ZFP62: variants seen among roughly 807,000 people sequenced by gnomAD.
ZFP62 encodes the protein zinc finger protein 62 homolog.
A neutral mutation model predicts 56.4 loss-of-function variants in ZFP62; 44 were observed. The ratio of observed to expected loss-of-function variants is 0.78; its 90% CI spans 0.61 to 1.00. The LOEUF is 1.00. Among genes scored for constraint, ZFP62 ranks in the 50% least tolerant of loss-of-function variants. ZFP62 has a pLI of 0.00. For synonymous variants in ZFP62, 421 were observed against 388.9 expected, an observed-to-expected ratio of 1.08 and a Z score of -0.97; for missense variants, 1,030 against 1,085.7, an observed-to-expected ratio of 0.95 and a Z score of 0.72.
chr5:180,843,795 C>T (rs527559637), downstream of ZFP62, among the ~76,000 whole-genome samples: 84 of 152,312 alleles, frequency 5.5e-4, no homozygotes, highest in African/African-American at 1.5e-3. Context: ...TGACTGCATG[C>T]GGCATCTGCA....
At chr5:180,843,117 A>T (rs1773348910), downstream of ZFP62, among the ~76,000 whole-genome samples, 1 of 150,316 alleles carries the variant, frequency 6.7e-6, no homozygotes, top group Non-Finnish European at 1.5e-5. Context: ...ATAATAACAT[A>T]TTTTAATATA....
At chr5:180,858,090 T>TAA (rs35177299) in intron 1 of ZFP62, among the ~76,000 whole-genome samples, 87,054 of 127,410 alleles carry the variant, frequency 0.68, 31,193 homozygotes, top group East Asian at 0.95. Context: ...CCATCTCTAC[T>TAA]AAAAAAAAAA....
rs774916843 is a variant in ZFP62, at chr5:180,848,396, C to A, written c.*396G>T. 5 of 995,672 alleles carry A rather than the reference C, an allele frequency of 5.0e-6. No homozygotes were observed. The highest frequency in any genetic ancestry group is 4.8e-6 in the Non-Finnish European group (4 of 836,568). The allele number at this position is 995,672 out of a possible 1,614,324, so 61.7% of individuals were successfully genotyped here. On this transcript the variant is annotated 3_prime_UTR_variant, in exon 2 of 2. Coordinates refer to ENST00000502412, the MANE Select transcript of ZFP62 (RefSeq NM_001172638.2). ...ACCAATGTGTAATTGGGATTCAAAGCTATACCTGAATTTCCTACATTTCTA... is the reference window on the plus strand; with the variant it reads ...ACCAATGTGTAATTGGGATTCAAAGATATACCTGAATTTCCTACATTTCTA...
chr5:180,840,003 C>T, the ZFP62 span, among the ~76,000 whole-genome samples: 7 of 151,848 alleles, frequency 4.6e-5, no homozygotes, highest in African/African-American at 1.5e-4. Context: ...TCCACCAGCC[C>T]CCAGCCCACC....
rs1411014540 is a variant in ZFP62, at chr5:180,850,364, G to C, written c.1131C>G (p.Ser377Arg). 2.6e-6 allele frequency: 4 copies of C among 1,567,478 alleles called. No homozygotes were observed. The Admixed American group carries it at 5.7e-5, about 22-fold the overall frequency. ...CDECGKAFRN[S>R]SGLIVHKRIH... ...TCCTTTTATGCACTATGAGGCCTGA[G>C]CTGTTCCTGAAAGCCTTCCCACATT... Residue 377 changes from serine to arginine, a missense_variant, in exon 2 of 2, where the codon AGC becomes AGG. Transcript: ENST00000502412.
At chr5:180,858,949 C>G (rs372354990) in intron 1 of ZFP62, among the ~76,000 whole-genome samples, 1 of 152,214 alleles carries the variant, frequency 6.6e-6, no homozygotes, top group South Asian at 2.1e-4. Flanking sequence ...AAACTACATA[C>G]GACCAACAAC....
Position 180,851,093 on chromosome 5 carries a change from G to A in ZFP62, c.402C>T (p.Thr134=). Reference sequence around the variant, plus strand: ...ATTTATGTAATTTCTTAACAGCATTGGTTTTCTGCTGTAGACTAGGGTAGG... The same window carrying A: ...ATTTATGTAATTTCTTAACAGCATTAGTTTTCTGCTGTAGACTAGGGTAGG... ...GTSYPSLQQK[T]NAVKKLHKCD... is the part of the protein sequence containing the mutation. Residue 134 remains threonine (T), a synonymous_variant, in exon 2 of 2, where the codon ACC becomes ACT. Transcript: ENST00000502412. 2 of 1,551,684 alleles carry A rather than the reference G, an allele frequency of 1.3e-6. No individual in the cohort carries two copies. The highest frequency in any genetic ancestry group is 1.7e-6 in the Non-Finnish European group (2 of 1,146,986).
chr5:180,852,138 G>T, intron 1 of ZFP62: 2 of 469,622 alleles, frequency 4.3e-6, no homozygotes, highest in Non-Finnish European at 5.6e-6. Context: ...AAATGGAATA[G>T]AACAGGAAGT....
intron 1 of ZFP62, among the ~76,000 whole-genome samples, chr5:180,855,107 T>C (rs754323398): frequency 5.3e-5 from 8 of 152,332 alleles, no homozygotes; most frequent in Non-Finnish European, 1.2e-4. Flanking sequence ...CCATGATGTA[T>C]ATAATTACCT....
At chr5:180,831,390 C>T in the ZFP62 span, 17 of 151,964 alleles carry the variant, frequency 1.1e-4, no homozygotes, top group African/African-American at 4.1e-4. Flanking sequence ...GTGGCGCCAT[C>T]GCGCAGCTTC....
chr5:180,836,829 A>T, the ZFP62 span, among the ~76,000 whole-genome samples: 1 of 152,264 alleles, frequency 6.6e-6, no homozygotes, highest in Non-Finnish European at 1.5e-5. Flanking sequence ...AGAGGCAGTA[A>T]GTAGGGACTG....
downstream of ZFP62, among the ~76,000 whole-genome samples, chr5:180,843,226 C>T (rs140414244): frequency 4.6e-5 from 7 of 151,528 alleles, no homozygotes; most frequent in South Asian, 2.1e-4. Context: ...TTGTCTAGGA[C>T]GAAGATAAAA....
At chr5:180,833,652 C>T in the ZFP62 span, among the ~76,000 whole-genome samples, 74 of 151,558 alleles carry the variant, frequency 4.9e-4, no homozygotes, top group Middle Eastern at 3.4e-3. Flanking sequence ...ATAAATTTCT[C>T]CACCACTCTA....
the ZFP62 span, among the ~76,000 whole-genome samples, chr5:180,838,274 G>A: frequency 6.6e-6 from 1 of 152,086 alleles, no homozygotes; most frequent in African/African-American, 2.4e-5. Flanking sequence ...CCTGGCATGG[G>A]TCTCAGTGCC....
At chr5:180,832,445 G>A in the ZFP62 span, among the ~76,000 whole-genome samples, 19 of 152,282 alleles carry the variant, frequency 1.2e-4, 1 homozygote, top group South Asian at 1.4e-3. Context: ...GAGCCACTGC[G>A]CCTGGGCTTC....
chr5:180,857,797 CTTTT>C (rs5873717), intron 1 of ZFP62, among the ~76,000 whole-genome samples: 1 of 143,746 alleles, frequency 7.0e-6, no homozygotes, highest in Non-Finnish European at 1.5e-5. Context: ...GCACCCAGAC[CTTTT>C]TTTTTTTTTT....
intron 1 of ZFP62, chr5:180,851,849 A>T: frequency 3.9e-6 from 1 of 255,838 alleles, no homozygotes; most frequent in Non-Finnish European, 6.6e-6. Context: ...GGAAAAACAA[A>T]CAAGAGGGCA....
chr5:180,850,131 C>T lies in ZFP62; in HGVS notation c.1364G>A (p.Gly455Glu), dbSNP rs1270798827. 6.4e-7 allele frequency: 1 copy of T among 1,551,672 alleles called. No individual in the cohort carries two copies. Among genetic ancestry groups the T allele is most frequent in the African/African-American group, 1.4e-5 (1 of 73,118 alleles). ...GCCTGCATTGTTTCTGAACGTTTTC[C>T]CACACACATCACATACATAAGGTCT... ...GERPYVCDVC[G>E]KTFRNNAGLK... is the part of the protein sequence containing the mutation. Residue 455 changes from glycine to glutamate, a missense_variant, in exon 2 of 2, where the codon GGG becomes GAG. Gly to Glu is a moderately conservative substitution (Grantham distance 98). Transcript: ENST00000502412.
Position 180,849,306 on chromosome 5 carries a change from T to C in ZFP62, c.2189A>G (p.Lys730Arg). The change falls in exon 2 of 2, where the codon AAG becomes AGG. Residue 730 changes from lysine to arginine, a missense_variant. Transcript: ENST00000502412. ...KRVHLGEKPF[K>R]CVECGKSFSY... The stretch of plus-strand genomic sequence containing the variant: ...GAAAGATTTCCCACACTCAACACAC[T>C]TGAAGGGTTTCTCCCCAAGATGGAC... 6.4e-7 allele frequency: 1 copy of C among 1,552,354 alleles called. No individual in the cohort carries two copies. Among genetic ancestry groups the C allele is most frequent in the South Asian group, 1.2e-5 (1 of 84,070 alleles).
Sources: gnomAD v4.1 joint callset for allele counts (sites outside exome capture counted in the v4.1 genomes callset) on GRCh38, gnomAD v4.1.1 for gene constraint, MANE v1.5 for transcripts, NCBI Gene and HGNC (gene_info 2026-07-23, HGNC 2026-07-21) for gene names.